Variants in RBMS2 observed in about 807,000 individuals in gnomAD.
RBMS2 encodes the protein RNA-binding motif, single-stranded-interacting protein 2.
Under a neutral mutation model 58.4 loss-of-function variants are expected in RBMS2, and 38 were observed. The observed-to-expected ratio is 0.65, with a 90% CI of 0.50 to 0.85. The LOEUF (loss-of-function observed/expected upper bound fraction) is 0.85, where lower values mean the gene tolerates loss of function less well. Among genes scored for constraint, RBMS2 ranks in the 40% least tolerant of loss-of-function variants. The pLI, the probability that RBMS2 is intolerant of heterozygous loss-of-function variation, is 0.00. For synonymous variants in RBMS2, 151 were observed against 180.7 expected (o/e 0.84, Z 1.32); for missense variants, 367 against 503.7 (o/e 0.73, Z 2.60).
chr12:56,521,780 A>G, upstream of RBMS2: 1 of 509,968 alleles, frequency 2.0e-6, no homozygotes, highest in East Asian at 3.5e-5. Context: ...CCTCTGCCTC[A>G]TTCAGACTCT....
In RBMS2 at chr12:56,521,977, TTCTCTCTC is replaced by T. The variant is rs141771200; in HGVS notation, c.-34_-27del. ...TCCCCGTCTTTCTTACCCCCTCCCT[TTCTCTCTC>T]TCTCTCTCTCTCGCTCGTTCCCTAA... On this transcript the variant is annotated 5_prime_UTR_variant, in exon 1 of 14. Transcript: ENST00000262031. 5 of 680,424 alleles carry T rather than the reference TTCTCTCTC, an allele frequency of 7.3e-6. No individual in the cohort carries two copies. The highest frequency in any genetic ancestry group is 9.1e-6 in the Non-Finnish European group (4 of 438,380). The allele number at this position is 680,424 out of a possible 1,614,324, so 42.1% of individuals were successfully genotyped here.
chr12:56,563,824 T>C (rs2136429548), intron 2 of RBMS2, among the ~76,000 whole-genome samples: 1 of 152,092 alleles, frequency 6.6e-6, no homozygotes, highest in Admixed American at 6.6e-5. Context: ...AACTGGTCCG[T>C]TATCTCAGCT....
chr12:56,568,880 T>C (rs1041804971), intron 2 of RBMS2, 95 bp from the exon 3 acceptor site: 5 of 1,080,066 alleles, frequency 4.6e-6, no homozygotes, highest in Admixed American at 4.5e-5. Flanking sequence ...AGTTAGATCA[T>C]GGAAAGGGCA....
chr12:56,548,411 C>T (rs1220469335), intron 1 of RBMS2, among the ~76,000 whole-genome samples: 1 of 150,286 alleles, frequency 6.7e-6, no homozygotes, highest in African/African-American at 2.4e-5. Flanking sequence ...TGTGCCACTG[C>T]ACTCCAGCCT....
rs1030884541 is a variant in RBMS2 at position 56,594,485 on chromosome 12, A to G, written c.*5352A>G. 6.6e-6 allele frequency: 1 copy of G among 152,218 alleles called. No individual in the cohort carries two copies. Among genetic ancestry groups the G allele is most frequent in the African/African-American group, 2.4e-5 (1 of 41,450 alleles). 9.4% of individuals were successfully genotyped at this position (152,218 alleles called of 1,614,324 possible). A position where few individuals can be genotyped will look rare whatever the true frequency, so the allele number is the denominator to read the frequency against. On this transcript the variant is annotated 3_prime_UTR_variant, in exon 14 of 14. Coordinates refer to ENST00000262031, the MANE Select transcript of RBMS2 (RefSeq NM_002898.4). The stretch of plus-strand genomic sequence containing the variant: ...TAAATTCCAAATCTTGTGCCTTGTT[A>G]TACCAATCCTTCCTGATTCCCGTTT...
intron 1 of RBMS2, among the ~76,000 whole-genome samples, chr12:56,523,406 A>G (rs1872095820): frequency 6.6e-6 from 1 of 152,208 alleles, no homozygotes; most frequent in East Asian, 1.9e-4. Flanking sequence ...AATTTACTTC[A>G]CTATAGTAAC....
intron 12 of RBMS2, 22 bp from the exon 13 acceptor site, chr12:56,588,910 C>T: frequency 6.2e-7 from 1 of 1,612,678 alleles, no homozygotes; most frequent in Non-Finnish European, 8.5e-7. Flanking sequence ...CAAGATGACC[C>T]CCCTCCTTGG....
chr12:56,570,779 G>A (rs182727801), intron 4 of RBMS2, among the ~76,000 whole-genome samples: 70 of 152,206 alleles, frequency 4.6e-4, no homozygotes, highest in Non-Finnish European at 8.7e-4. Context: ...GGGTTTCACC[G>A]TGTTAGCCAG....
chr12:56,580,657 A>G (rs911101727), intron 5 of RBMS2, among the ~76,000 whole-genome samples: 2 of 152,136 alleles, frequency 1.3e-5, no homozygotes, highest in Non-Finnish European at 2.9e-5. Context: ...GTAGACTCCA[A>G]CATTCCTTTT....
intron 1 of RBMS2, among the ~76,000 whole-genome samples, chr12:56,544,236 A>G (rs1475343353): frequency 1.3e-5 from 2 of 152,024 alleles, no homozygotes; most frequent in Non-Finnish European, 2.9e-5. Flanking sequence ...AGATCATACC[A>G]CTGCACTCCA....
chr12:56,525,117 G>A (rs1872427148), intron 1 of RBMS2, among the ~76,000 whole-genome samples: 1 of 152,046 alleles, frequency 6.6e-6, no homozygotes, highest in African/African-American at 2.4e-5. Context: ...GTTGCTCTTT[G>A]TCTTGTCAAG....
At chr12:56,579,910 G>A (rs373826446) in intron 5 of RBMS2, among the ~76,000 whole-genome samples, 1 of 151,868 alleles carries the variant, frequency 6.6e-6, no homozygotes, top group East Asian at 1.9e-4. Context: ...AGATCAGAGG[G>A]GTTTTTTTGT....
intron 1 of RBMS2, among the ~76,000 whole-genome samples, chr12:56,557,738 TTTC>T (rs1450369835): frequency 6.7e-6 from 1 of 149,776 alleles, no homozygotes; most frequent in Admixed American, 6.6e-5. Flanking sequence ...TTTCTTTTCT[TTTC>T]TTTTTTTTTT....
intron 1 of RBMS2, among the ~76,000 whole-genome samples, chr12:56,540,894 A>G (rs1306160767): frequency 6.6e-6 from 1 of 152,182 alleles, no homozygotes; most frequent in African/African-American, 2.4e-5. Flanking sequence ...TGAACCCAAG[A>G]GTTCAAGACC....
At chr12:56,578,746 C>G (rs927994124) in intron 5 of RBMS2, among the ~76,000 whole-genome samples, 3 of 152,016 alleles carry the variant, frequency 2.0e-5, no homozygotes, top group Admixed American at 6.6e-5. Context: ...AGGCAGATCA[C>G]TTGAGGCCAG....
At chr12:56,550,003 GCAACAAGAGCGAAACTCCGT>G (rs1877954567) in intron 1 of RBMS2, among the ~76,000 whole-genome samples, 1 of 151,880 alleles carries the variant, frequency 6.6e-6, no homozygotes, top group African/African-American at 2.4e-5. Context: ...TCCAGCCTGG[GCAACAAGAGCGAAACTCCGT>G]CTCGCAAAAA....
intron 7 of RBMS2, 77 bp downstream of exon 7, chr12:56,581,585 G>A: frequency 7.0e-7 from 1 of 1,436,878 alleles, no homozygotes; most frequent in South Asian, 1.2e-5. Context: ...TGATTTCTGT[G>A]AGCTTAGGTG....
At chr12:56,577,351 C>T (rs1236559295) in intron 5 of RBMS2, among the ~76,000 whole-genome samples, 2 of 151,660 alleles carry the variant, frequency 1.3e-5, no homozygotes, top group East Asian at 3.9e-4. Flanking sequence ...GCAGAAGTTG[C>T]AGTGAGCCGA....
chr12:56,563,101 C>T (rs142398115), intron 2 of RBMS2, among the ~76,000 whole-genome samples: 3,152 of 152,030 alleles, frequency 0.021, 51 homozygotes, highest in Middle Eastern at 0.071. Flanking sequence ...CCAGCCTGGG[C>T]AATAGAGTGA....
Sources: gnomAD v4.1 joint callset for allele counts (sites outside exome capture counted in the v4.1 genomes callset) on GRCh38, gnomAD v4.1.1 for gene constraint, MANE v1.5 for transcripts, NCBI Gene and HGNC (gene_info 2026-07-23, HGNC 2026-07-21) for gene names.